Variants in CD96 observed in about 807,000 individuals in gnomAD.
CD96 encodes CD96 molecule.
CD96 carries 70 observed loss-of-function variants against 71.3 expected under a neutral mutation model. The observed-to-expected ratio is 0.98, with a 90% CI of 0.81 to 1.20. The LOEUF is 1.20. Among genes scored for constraint, CD96 ranks in the 50% most tolerant of loss-of-function variants. The probability of loss-of-function intolerance (pLI) is 0.00; values close to 1 mark genes in which losing one functional copy is unlikely to be tolerated. For missense variants in CD96, 742 were observed against 677.5 expected (o/e 1.10, Z -1.06); for synonymous variants, 248 against 233.0 (o/e 1.06, Z -0.59).
intron 5 of CD96, chr3:111,594,389 G>T (rs540890032): frequency 2.4e-5 from 15 of 625,438 alleles, no homozygotes; most frequent in Admixed American, 9.6e-5. Flanking sequence ...GGAGAGTCAG[G>T]GGTGAGTCAG....
At chr3:111,619,736 T>A (rs1277415686) in intron 8 of CD96, among the ~76,000 whole-genome samples, 2 of 152,260 alleles carry the variant, frequency 1.3e-5, no homozygotes, top group East Asian at 1.9e-4. Context: ...GCAAATAAAA[T>A]TTTTTAATTC....
rs573200741 is a variant in CD96 at position 111,576,478 on chromosome 3, A to G, written c.544-2549A>G. 6.6e-5 allele frequency among the ~76,000 whole-genome samples: 10 copies of G among 152,258 alleles called. 1 individual carries two copies. In the East Asian group the frequency reaches 1.9e-3, roughly 29 times the overall value. The stretch of plus-strand genomic sequence containing the variant: ...TCTAGCTTTCTAAAATTTCTATTAA[A>G]TTTCTCACTGTAGATACTTCAGAAA... On this transcript the variant is annotated intron_variant, in intron 3 of 13. Coordinates refer to ENST00000352690, the MANE Select transcript of CD96 (RefSeq NM_005816.5).
intron 2 of CD96, among the ~76,000 whole-genome samples, chr3:111,558,160 A>G (rs1935175914): frequency 8.7e-6 from 1 of 115,580 alleles, no homozygotes; most frequent in Non-Finnish European, 1.8e-5. Context: ...AAACAGGGAC[A>G]ATTTGACTTC....
chr3:111,627,892 G>A (rs532082433), intron 10 of CD96, among the ~76,000 whole-genome samples: 49 of 152,264 alleles, frequency 3.2e-4, no homozygotes, highest in African/African-American at 7.7e-4. Flanking sequence ...GGGTAGACCC[G>A]TAGCAAACCA....
intron 5 of CD96, among the ~76,000 whole-genome samples, chr3:111,585,826 C>G (rs1263074730): frequency 6.6e-6 from 1 of 152,004 alleles, no homozygotes; most frequent in African/African-American, 2.4e-5. Context: ...CTCCTGTACT[C>G]CTGCAGAACC....
In CD96 at chr3:111,649,811, G is replaced by A. The variant is rs201367770; in HGVS notation, c.*5G>A. 124 of 1,536,612 alleles carry A rather than the reference G, an allele frequency of 8.1e-5. 2 individuals carry two copies. The highest frequency in any genetic ancestry group is 2.7e-4 in the South Asian group (24 of 89,612). ...CATGAGATGGAGACCCTCTAGTCTC[G>A]TGAGACTTTGCCCCATGGCAGAACT... On this transcript the variant is annotated 3_prime_UTR_variant, in exon 14 of 14. Transcript: ENST00000352690.
intron 1 of CD96, among the ~76,000 whole-genome samples, chr3:111,544,334 G>A (rs1250540751): frequency 3.9e-5 from 6 of 152,036 alleles, no homozygotes; most frequent in Admixed American, 3.9e-4. Context: ...TAGTAGAGAC[G>A]GGGTTTTGCC....
chr3:111,624,829 T>A lies in CD96; in HGVS notation c.1321+425T>A, dbSNP rs182628858. Among the ~76,000 whole-genome samples the A allele has an allele frequency of 7.9e-5, 12 of 152,300 alleles. No individual in the cohort carries two copies. The East Asian group carries it at 2.3e-3, about 29-fold the overall frequency. On this transcript the variant is annotated intron_variant, in intron 10 of 13. Coordinates refer to ENST00000352690, the MANE Select transcript of CD96 (RefSeq NM_005816.5). The stretch of plus-strand genomic sequence containing the variant: ...AGAAAATGCGTATCAGTAATAAAAA[T>A]GAAAAGAGAGAGACCAACGTGAGTC...
At chr3:111,570,958 GCT>G (rs1290215415) in intron 3 of CD96, 6 of 1,547,728 alleles carry the variant, frequency 3.9e-6, no homozygotes, top group Non-Finnish European at 5.4e-6. Flanking sequence ...AGTGGGCTGT[GCT>G]CTGAGGCCAC....
intron 5 of CD96, among the ~76,000 whole-genome samples, chr3:111,586,081 A>C (rs149108048): frequency 6.6e-6 from 1 of 152,334 alleles, no homozygotes; most frequent in East Asian, 1.9e-4. Flanking sequence ...CTGTTTTTAA[A>C]AATTAAATAA....
intron 3 of CD96, among the ~76,000 whole-genome samples, chr3:111,569,993 T>C (rs1199257573): frequency 6.8e-6 from 1 of 147,478 alleles, no homozygotes; most frequent in Non-Finnish European, 1.5e-5. Flanking sequence ...ACAGTCTGTA[T>C]GAGGCTCACC....
intron 10 of CD96, among the ~76,000 whole-genome samples, chr3:111,631,251 T>C (rs1432680334): frequency 6.6e-6 from 1 of 152,104 alleles, no homozygotes; most frequent in Non-Finnish European, 1.5e-5. Context: ...GAAAATCACA[T>C]TTTCTCAGCC....
chr3:111,653,319 A>G (rs1940151639), downstream of CD96, among the ~76,000 whole-genome samples: 1 of 152,216 alleles, frequency 6.6e-6, no homozygotes, highest in Non-Finnish European at 1.5e-5. Context: ...ATTGCATGCC[A>G]CTGAAATTGT....
chr3:111,545,332 C>T lies in CD96; in HGVS notation c.348C>T (p.Tyr116=), dbSNP rs777376640. The T allele has an allele frequency of 2.5e-6, 4 of 1,613,888 alleles. No individual in the cohort carries two copies. The highest frequency in any genetic ancestry group is 1.7e-5 in the Admixed American group (1 of 60,022). The change falls in exon 2 of 14, where the codon TAC becomes TAT. Residue 116 remains tyrosine, a synonymous_variant. Coordinates refer to ENST00000352690, the MANE Select transcript of CD96 (RefSeq NM_005816.5). ...RNMSCSVSGR[Y]ECMLVLYPEG... is the part of the protein sequence containing the mutation. ...TGTCTTGTTCAGTCAGTGGAAGGTA[C>T]GAGTGTATGCTTGTTCTGTATCCAG...
At chr3:111,578,918 T>G in intron 3 of CD96, 109 bp from the exon 4 acceptor site, 1 of 739,826 alleles carries the variant, frequency 1.4e-6, no homozygotes, top group Non-Finnish European at 2.5e-6. Context: ...CAATCCTTCA[T>G]TCTTCCTCTC....
At chr3:111,620,116 C>A (rs1419752346) in intron 8 of CD96, among the ~76,000 whole-genome samples, 2 of 151,860 alleles carry the variant, frequency 1.3e-5, no homozygotes, top group African/African-American at 4.8e-5. Context: ...AAAGCTCCCA[C>A]CCTCCCTCCG....
chr3:111,605,103 T>C (rs1395319833), intron 7 of CD96, among the ~76,000 whole-genome samples: 1 of 152,232 alleles, frequency 6.6e-6, no homozygotes, highest in Non-Finnish European at 1.5e-5. Context: ...TTTCTTTCAG[T>C]GTTAAGAATA....
chr3:111,573,763 T>C (rs2107567002), intron 3 of CD96, among the ~76,000 whole-genome samples: 1 of 145,010 alleles, frequency 6.9e-6, no homozygotes, highest in South Asian at 2.1e-4. Flanking sequence ...CATGCTCTTA[T>C]TTAATATTTG....
chr3:111,657,058 A>G (rs1381353531), downstream of CD96, among the ~76,000 whole-genome samples: 5 of 152,064 alleles, frequency 3.3e-5, no homozygotes, highest in African/African-American at 1.2e-4. Context: ...TGTATTTTAA[A>G]TAAATACCAT....
Sources: gnomAD v4.1 joint callset for allele counts (sites outside exome capture counted in the v4.1 genomes callset) on GRCh38, gnomAD v4.1.1 for gene constraint, MANE v1.5 for transcripts, NCBI Gene and HGNC (gene_info 2026-07-23, HGNC 2026-07-21) for gene names.